Variants in DGKB observed in about 807,000 individuals in gnomAD.
DGKB encodes the protein diacylglycerol kinase beta, also known as 90 kDa diacylglycerol kinase.
Under a neutral mutation model 114.3 loss-of-function variants are expected in DGKB, and 67 were observed. The observed-to-expected ratio is 0.59, with a 90% CI of 0.48 to 0.72. The LOEUF is 0.72. Ranked by LOEUF, DGKB falls within the 30% of genes least tolerant of loss-of-function variation. DGKB has a pLI of 0.00. For synonymous variants in DGKB, 398 were observed against 323.1 expected (o/e 1.23, Z -2.49); for missense variants, 907 against 975.2 (o/e 0.93, Z 0.93).
intron 5 of DGKB, among the ~76,000 whole-genome samples, chr7:14,720,185 T>C (rs1585957239): frequency 6.6e-6 from 1 of 152,116 alleles, no homozygotes; most frequent in African/African-American, 2.4e-5. Context: ...TCATATTCTA[T>C]CCTATTCTGA....
intron 1 of DGKB, among the ~76,000 whole-genome samples, chr7:14,967,752 T>C (rs1175334529): frequency 6.6e-6 from 1 of 151,926 alleles, no homozygotes; most frequent in Non-Finnish European, 1.5e-5. Context: ...AATGTAATTA[T>C]AGAGCTTAAA....
At chr7:14,335,304 G>A (rs955213841) in intron 23 of DGKB, among the ~76,000 whole-genome samples, 1 of 151,740 alleles carries the variant, frequency 6.6e-6, no homozygotes, top group African/African-American at 2.4e-5. Flanking sequence ...TAAAATAAAA[G>A]GGTAAACTTA....
chr7:14,369,717 T>TCTTTTGAGAAGAGGA (rs1817307577), intron 21 of DGKB, among the ~76,000 whole-genome samples: 1 of 152,254 alleles, frequency 6.6e-6, no homozygotes, highest in Non-Finnish European at 1.5e-5. Flanking sequence ...ATAAATGTCC[T>TCTTTTGAGAAGAGGA]CTTTTGAGAA....
chr7:14,784,691 G>C (rs1032900919), intron 2 of DGKB, among the ~76,000 whole-genome samples: 1 of 152,078 alleles, frequency 6.6e-6, no homozygotes, highest in East Asian at 1.9e-4. Flanking sequence ...TGCTATTTTT[G>C]ATTAGGATTT....
intron 13 of DGKB, among the ~76,000 whole-genome samples, chr7:14,653,078 A>G (rs1290836459): frequency 6.6e-6 from 1 of 151,110 alleles, no homozygotes; most frequent in East Asian, 1.9e-4. Context: ...TAGTTCAACC[A>G]TTGTGGAAGT....
chr7:14,578,823 G>T (rs758303865), intron 19 of DGKB, among the ~76,000 whole-genome samples: 61 of 152,056 alleles, frequency 4.0e-4, no homozygotes, highest in African/African-American at 1.3e-3. Flanking sequence ...TGAGACTTTC[G>T]AAGCTTCACT....
intron 21 of DGKB, among the ~76,000 whole-genome samples, chr7:14,402,922 C>T (rs1194558783): frequency 6.6e-6 from 1 of 151,942 alleles, no homozygotes; most frequent in Non-Finnish European, 1.5e-5. Flanking sequence ...GGACTATGCA[C>T]TGCAACATCA....
At chr7:14,916,258 G>T (rs377392211) in intron 1 of DGKB, among the ~76,000 whole-genome samples, 171 of 141,328 alleles carry the variant, frequency 1.2e-3, no homozygotes, top group African/African-American at 4.4e-3. Flanking sequence ...TTAATTAAAA[G>T]AAGTGAAAGC....
intron 23 of DGKB, among the ~76,000 whole-genome samples, chr7:14,260,332 T>TG (rs2128410816): frequency 6.6e-6 from 1 of 152,348 alleles, no homozygotes; most frequent in Non-Finnish European, 1.5e-5. Flanking sequence ...GATTATGGTA[T>TG]GAATTTGGAT....
At chr7:14,825,045 T>G (rs1845502909) in intron 2 of DGKB, among the ~76,000 whole-genome samples, 1 of 143,162 alleles carries the variant, frequency 7.0e-6, no homozygotes, top group South Asian at 2.2e-4. Flanking sequence ...TATATATATA[T>G]ATATATATAT....
At chr7:14,367,474 C>G (rs1816871390) in intron 21 of DGKB, among the ~76,000 whole-genome samples, 1 of 152,068 alleles carries the variant, frequency 6.6e-6, no homozygotes, top group African/African-American at 2.4e-5. Context: ...TCTTCCTTCA[C>G]TTTCCGCCAC....
intron 20 of DGKB, among the ~76,000 whole-genome samples, chr7:14,543,002 G>C (rs1793713002): frequency 6.6e-6 from 1 of 152,156 alleles, no homozygotes. Context: ...GTCAGTGTGT[G>C]AGCTAGTGTT....
chr7:14,889,712 A>T (rs1780882733), intron 1 of DGKB, among the ~76,000 whole-genome samples: 1 of 151,640 alleles, frequency 6.6e-6, no homozygotes, highest in Non-Finnish European at 1.5e-5. Flanking sequence ...TCTAAAGTAG[A>T]AATGGAAAGG....
chr7:14,336,015 A>T (rs891168528), intron 23 of DGKB, among the ~76,000 whole-genome samples: 8 of 152,166 alleles, frequency 5.3e-5, no homozygotes, highest in African/African-American at 1.9e-4. Context: ...AAGTGTGAGG[A>T]TTGCATGTGT....
chr7:14,177,554 CAAAAAAAAAAAA>C (rs56019837), intron 24 of DGKB, among the ~76,000 whole-genome samples: 2 of 69,026 alleles, frequency 2.9e-5, no homozygotes, highest in Non-Finnish European at 2.7e-5. Flanking sequence ...AACTCCGTCT[CAAAAAAAAAAAA>C]AAAAAAAAAA....
chr7:14,907,847 A>G (rs1228240082), upstream of DGKB, among the ~76,000 whole-genome samples: 1 of 152,150 alleles, frequency 6.6e-6, no homozygotes, highest in Non-Finnish European at 1.5e-5. Context: ...AGTAATATTA[A>G]TTAGGGGAGA....
chr7:14,541,550 T>C (rs1417774904), intron 20 of DGKB, among the ~76,000 whole-genome samples: 2 of 152,196 alleles, frequency 1.3e-5, no homozygotes, highest in Non-Finnish European at 2.9e-5. Context: ...CTGTTTATAT[T>C]GGATCACATA....
Position 14,146,943 on chromosome 7 carries a change from A to T in DGKB, c.*2188T>A, listed in dbSNP as rs1422855049. 1 of 152,164 alleles carries T rather than the reference A, an allele frequency of 6.6e-6. No homozygotes were observed. Among genetic ancestry groups the T allele is most frequent in the Non-Finnish European group, 1.5e-5 (1 of 68,008 alleles). The allele number at this position is 152,164 out of a possible 1,614,324, so 9.4% of individuals were successfully genotyped here. A position where few individuals can be genotyped will look rare whatever the true frequency, so the allele number is the denominator to read the frequency against. On this transcript the variant is annotated 3_prime_UTR_variant, in exon 26 of 26. Coordinates refer to ENST00000402815, the MANE Select transcript of DGKB (RefSeq NM_001350709.2). ...TACAGATTGTTAAGAATGATTCACA[A>T]ACTGTTGCTGCCTTCAAACTATATA...
chr7:14,619,709 T>C (rs1489874521), intron 15 of DGKB, among the ~76,000 whole-genome samples: 2 of 151,660 alleles, frequency 1.3e-5, no homozygotes, highest in Non-Finnish European at 3.0e-5. Context: ...ATTCAAACCT[T>C]GGTTTTACCA....
Sources: allele counts gnomAD v4.1 joint callset (sites outside exome capture counted in the v4.1 genomes callset), GRCh38; gene constraint gnomAD v4.1.1; transcripts MANE v1.5; gene names NCBI Gene and HGNC (gene_info 2026-07-23, HGNC 2026-07-21).